SLC45A4: variants seen among roughly 807,000 people sequenced by gnomAD.
SLC45A4 encodes the protein solute carrier family 45 member 4, also known as polyamine-transporter SLC45A4.
In SLC45A4, 32 loss-of-function variants were observed where a neutral mutation model predicts 63.7. The observed-to-expected ratio is 0.50, with a 90% confidence interval of 0.38 to 0.67. The LOEUF is 0.67. Ranked by LOEUF, SLC45A4 falls within the 30% of genes least tolerant of loss-of-function variation. SLC45A4 has a pLI of 0.00. For synonymous variants in SLC45A4, 535 were observed against 510.0 expected (o/e 1.05, Z -0.66); for missense variants, 1,027 against 1,157.7 (o/e 0.89, Z 1.64).
chr8:141,240,367 C>A (rs1370512859), intron 2 of SLC45A4, among the ~76,000 whole-genome samples: 1 of 152,194 alleles, frequency 6.6e-6, no homozygotes, highest in African/African-American at 2.4e-5. Context: ...CCTGAGTATA[C>A]TTCCTGAACC....
chr8:141,221,694 T>C lies in SLC45A4; in HGVS notation c.313A>G (p.Ile105Val). The C allele has an allele frequency of 1.9e-6, 3 of 1,612,742 alleles. No homozygotes were observed. The highest frequency in any genetic ancestry group is 2.5e-6 in the Non-Finnish European group (3 of 1,179,104). Residue 105 changes from isoleucine (I) to valine (V), a missense_variant, in exon 3 of 9, where the codon ATT becomes GTT. Ile to Val is a conservative substitution (Grantham distance 29). Coordinates refer to ENST00000517878, the MANE Select transcript of SLC45A4 (RefSeq NM_001286646.2). ...PILGLIFTPL[I>V]GSASDRCTLS... is the part of the protein sequence containing the mutation. ...GTGCACCGGTCACTCGCAGACCCAA[T>C]GAGAGGTGTGAAGATGAGGCCAAGG...
chr8:141,223,961 C>T (rs1826820400), intron 2 of SLC45A4, among the ~76,000 whole-genome samples: 1 of 151,964 alleles, frequency 6.6e-6, no homozygotes, highest in South Asian at 2.1e-4. Context: ...TCTGACTTTT[C>T]ATCTGATATC....
chr8:141,280,031 T>C (rs7009247), intron 1 of SLC45A4, among the ~76,000 whole-genome samples: 152,305 of 152,380 alleles, frequency 1, 76,115 homozygotes, highest in Middle Eastern at 1. Flanking sequence ...CAGCGAGGCA[T>C]GGGCCCAGGC....
chr8:141,218,991 C>G lies in SLC45A4; in HGVS notation c.649G>C (p.Asp217His). Residue 217 changes from aspartate to histidine, a missense_variant, in exon 5 of 9, where the codon GAC becomes CAC. Physicochemically the swap from Asp to His is moderately conservative, Grantham distance 81 (BLOSUM62 -1). Coordinates refer to ENST00000517878, the MANE Select transcript of SLC45A4 (RefSeq NM_001286646.2). ...CTGCCCAGGAAGGTCTGGGTCCAGT[C>G]CAGCCCACCCAGCACGTAGCCGATG... is the stretch of plus-strand genomic sequence containing the variant. ...GAIGYVLGGL[D>H]WTQTFLGSWF... 6.2e-7 allele frequency: 1 copy of G among 1,613,106 alleles called. No individual in the cohort carries two copies. The highest frequency in any genetic ancestry group is 1.1e-5 in the South Asian group (1 of 91,052).
At chr8:141,223,163 T>C (rs755538264) in intron 2 of SLC45A4, among the ~76,000 whole-genome samples, 1 of 152,196 alleles carries the variant, frequency 6.6e-6, no homozygotes, top group East Asian at 1.9e-4. Flanking sequence ...CACTAAAACA[T>C]GTATGCATTC....
In SLC45A4 at chr8:141,227,432, C is replaced by A. The variant is rs997837157; in HGVS notation, c.242-5667G>T. Among the ~76,000 whole-genome samples, 2 of 152,226 alleles carry A rather than the reference C, an allele frequency of 1.3e-5. No individual in the cohort carries two copies. The highest frequency in any genetic ancestry group is 2.9e-5 in the Non-Finnish European group (2 of 68,044). ...CTTTCAATGGACAAAGCTTCCACAT[C>A]AAGATACGCTTGTGTGCTGGGACCA... On this transcript the variant is annotated intron_variant, in intron 2 of 8. Transcript: ENST00000517878. This position sits in a 1 kb window ranked among gnomAD's most constrained non-coding sequence, Gnocchi z 4.4.
intron 1 of SLC45A4, among the ~76,000 whole-genome samples, chr8:141,293,415 C>T (rs1830429052): frequency 6.6e-6 from 1 of 152,116 alleles, no homozygotes; most frequent in Non-Finnish European, 1.5e-5. Context: ...GATCACGCCA[C>T]TGCACTCCAG....
At chr8:141,222,292 G>A (rs1036094631) in intron 2 of SLC45A4, among the ~76,000 whole-genome samples, 1 of 152,226 alleles carries the variant, frequency 6.6e-6, no homozygotes, top group African/African-American at 2.4e-5. Context: ...ATGTACCATG[G>A]AGGGTCCTGC....
At position 141,296,911 on chromosome 8, in the gene SLC45A4, G is replaced by A. The variant is rs573971636; in HGVS notation, c.-401+11185C>T. On this transcript the variant is annotated intron_variant, in intron 1 of 8. Coordinates refer to ENST00000517878, the MANE Select transcript of SLC45A4 (RefSeq NM_001286646.2). Reference sequence around the variant, plus strand: ...TCATATGAAGACAGAGCAAGAAGGGGCGATGTTTGAACCAAGAAATGGGTC... The same window carrying A: ...TCATATGAAGACAGAGCAAGAAGGGACGATGTTTGAACCAAGAAATGGGTC... 2.2e-4 allele frequency among the ~76,000 whole-genome samples: 34 copies of A among 151,896 alleles called. No homozygotes were observed. In the South Asian group the frequency reaches 6.9e-3, roughly 31 times the overall value.
intron 1 of SLC45A4, among the ~76,000 whole-genome samples, chr8:141,304,283 A>ACACACACG (rs1169944472): frequency 6.6e-6 from 1 of 150,974 alleles, no homozygotes; most frequent in Non-Finnish European, 1.5e-5. Flanking sequence ...ACACACACAC[A>ACACACACG]CGCAAAGGAG....
intron 1 of SLC45A4, among the ~76,000 whole-genome samples, chr8:141,287,106 C>T (rs1018860565): frequency 6.6e-6 from 1 of 152,136 alleles, no homozygotes; most frequent in Non-Finnish European, 1.5e-5. Flanking sequence ...AGAGCACTTC[C>T]CGGTTCCTTC....
intron 1 of SLC45A4, among the ~76,000 whole-genome samples, chr8:141,255,281 T>A (rs10089212): frequency 0.28 from 43,199 of 151,856 alleles, 6,333 homozygotes; most frequent in East Asian, 0.38. Flanking sequence ...CCCCATTACA[T>A]TGACCTGGCT....
chr8:141,301,981 G>A (rs1016803673), intron 1 of SLC45A4, among the ~76,000 whole-genome samples: 2 of 151,820 alleles, frequency 1.3e-5, no homozygotes, highest in Admixed American at 6.6e-5. Context: ...AAAAAAGAAT[G>A]AGGGATGAAA....
chr8:141,219,051 C>G, intron 4 of SLC45A4, 22 bp from the exon 5 acceptor site: 2 of 1,591,012 alleles, frequency 1.3e-6, no homozygotes, highest in Non-Finnish European at 8.6e-7. Context: ...GAAGCAGCAG[C>G]CGGTGAGCCG....
chr8:141,268,464 G>A (rs942936041), intron 1 of SLC45A4, among the ~76,000 whole-genome samples: 1 of 152,162 alleles, frequency 6.6e-6, no homozygotes, highest in Non-Finnish European at 1.5e-5. Context: ...TGACAGAGAC[G>A]TGCCACTGCA....
At chr8:141,220,988 C>T (rs903272504) in intron 3 of SLC45A4, among the ~76,000 whole-genome samples, 3 of 152,270 alleles carry the variant, frequency 2.0e-5, no homozygotes, top group Admixed American at 6.5e-5. Context: ...CTCTGAGAAG[C>T]GTCCCGGGGC....
At chr8:141,280,043 C>A (rs962469930) in intron 1 of SLC45A4, among the ~76,000 whole-genome samples, 4 of 152,258 alleles carry the variant, frequency 2.6e-5, no homozygotes, top group African/African-American at 9.6e-5. Flanking sequence ...GGCCCAGGCA[C>A]TGCTTCCAGC....
intron 1 of SLC45A4, among the ~76,000 whole-genome samples, chr8:141,277,001 T>C (rs1829753056): frequency 6.6e-6 from 1 of 152,234 alleles, no homozygotes; most frequent in South Asian, 2.1e-4. Flanking sequence ...CAGCACAGGA[T>C]GTCGCCTCCA....
chr8:141,290,782 T>C (rs942460435), intron 1 of SLC45A4, among the ~76,000 whole-genome samples: 4 of 152,242 alleles, frequency 2.6e-5, no homozygotes, highest in African/African-American at 9.6e-5. Context: ...GTCCAGAGAC[T>C]GCAGGGATGT....
Sources: gnomAD v4.1 joint callset for allele counts (sites outside exome capture counted in the v4.1 genomes callset) on GRCh38, gnomAD v4.1.1 for gene constraint, Gnocchi (gnomAD v3.1) non-coding constraint, MANE v1.5 for transcripts, NCBI Gene and HGNC (gene_info 2026-07-23, HGNC 2026-07-21) for gene names.